Variants in NPAS3 observed in about 807,000 individuals in gnomAD.
The protein encoded by NPAS3 is neuronal PAS domain protein 3.
In NPAS3, 14 loss-of-function variants were observed where a neutral mutation model predicts 73.1. The ratio of observed to expected loss-of-function variants is 0.19; its 90% confidence interval spans 0.13 to 0.30. NPAS3 has a LOEUF of 0.30. NPAS3 is among the 10% of genes least tolerant of loss of function. The pLI, the probability that NPAS3 is intolerant of heterozygous loss-of-function variation, is 1.00. For missense variants in NPAS3, 1,096 were observed against 1,250.0 expected, an observed-to-expected ratio of 0.88 and a Z score of 1.86; for synonymous variants, 620 against 541.5, an observed-to-expected ratio of 1.14 and a Z score of -2.01.
In NPAS3 at chr14:33,782,823, T is replaced by TAAAAAAAAAAAAAAAAAAAAAAAAA. The variant is rs199704146; in HGVS notation, c.1153+4259_1153+4260insAAAAAAAAAAAAAAAAAAAAAAAAA. On this transcript the variant is annotated intron_variant, in intron 9 of 11. Coordinates refer to ENST00000356141, the Ensembl canonical transcript of NPAS3. Reference sequence around the variant, plus strand: ...AACATACTTGGGGGTTGTTTTTTTTTAAAAAAAAGAAAAAAACAGTAGCTT... The same window carrying TAAAAAAAAAAAAAAAAAAAAAAAAA: ...AACATACTTGGGGGTTGTTTTTTTTTAAAAAAAAAAAAAAAAAAAAAAAAAAAAAAAAAGAAAAAAACAGTAGCTT... Among the ~76,000 whole-genome samples the TAAAAAAAAAAAAAAAAAAAAAAAAA allele has an allele frequency of 3.8e-4, 56 of 148,668 alleles. 2 individuals are homozygous for TAAAAAAAAAAAAAAAAAAAAAAAAA. Among genetic ancestry groups the TAAAAAAAAAAAAAAAAAAAAAAAAA allele is most frequent in the Non-Finnish European group, 7.4e-4 (49 of 66,658 alleles).
chr14:33,731,332 T>A (rs2061393234), intron 6 of NPAS3, among the ~76,000 whole-genome samples: 3 of 148,820 alleles, frequency 2.0e-5, no homozygotes, highest in African/African-American at 7.5e-5. Context: ...GGCAGGAGAA[T>A]CGCCTGAGTC....
At chr14:33,635,010 C>G (rs1276140466) in intron 5 of NPAS3, among the ~76,000 whole-genome samples, 1 of 152,134 alleles carries the variant, frequency 6.6e-6, no homozygotes, top group Non-Finnish European at 1.5e-5. Context: ...GATATATGCT[C>G]AAGTTTGAGA....
chr14:33,402,584 C>T (rs2047493739), intron 4 of NPAS3, among the ~76,000 whole-genome samples: 1 of 152,148 alleles, frequency 6.6e-6, no homozygotes, highest in South Asian at 2.1e-4. Flanking sequence ...GGTGCCTCCA[C>T]CAGACTTTCA....
intron 6 of NPAS3, among the ~76,000 whole-genome samples, chr14:33,684,227 GT>G (rs5807739): frequency 5.3e-4 from 79 of 148,378 alleles, no homozygotes; most frequent in Non-Finnish European, 8.2e-4. Context: ...TGTGCTGTGG[GT>G]TTTTTTTTTT....
intron 3 of NPAS3, among the ~76,000 whole-genome samples, chr14:33,326,445 TAGA>T (rs2043710212): frequency 6.6e-6 from 1 of 152,204 alleles, no homozygotes; most frequent in African/African-American, 2.4e-5. Flanking sequence ...TTCGGCAAGT[TAGA>T]AAGTCTTTCT....
intron 3 of NPAS3, among the ~76,000 whole-genome samples, chr14:33,342,238 G>A (rs1244269973): frequency 4.6e-5 from 7 of 152,188 alleles, no homozygotes; most frequent in Non-Finnish European, 1.0e-4. Flanking sequence ...CATAAGCTGT[G>A]AATTGCCCAG....
intron 5 of NPAS3, among the ~76,000 whole-genome samples, chr14:33,633,163 T>C (rs2058427021): frequency 6.6e-6 from 1 of 152,214 alleles, no homozygotes; most frequent in African/African-American, 2.4e-5. Context: ...GTTATATGCA[T>C]ATACCATGCA....
intron 3 of NPAS3, among the ~76,000 whole-genome samples, chr14:33,255,051 G>A (rs1484485261): frequency 6.6e-6 from 1 of 152,106 alleles, no homozygotes; most frequent in East Asian, 1.9e-4. Context: ...GGAAAACTTG[G>A]AATTGGAAAC....
chr14:33,610,881 C>T (rs953278020), intron 5 of NPAS3: 6 of 152,196 alleles, frequency 3.9e-5, no homozygotes, highest in Non-Finnish European at 7.3e-5. Context: ...GTTCTAAAAA[C>T]TTTGCCCGAG....
chr14:33,766,800 T>C (rs2062476957), intron 7 of NPAS3, among the ~76,000 whole-genome samples: 1 of 152,182 alleles, frequency 6.6e-6, no homozygotes, highest in Admixed American at 6.5e-5. Context: ...TGTTGCATCC[T>C]CCTTGGCCCT....
intron 2 of NPAS3, among the ~76,000 whole-genome samples, chr14:33,154,044 T>A (rs1249933918): frequency 1.3e-5 from 2 of 152,184 alleles, no homozygotes; most frequent in African/African-American, 4.8e-5. Flanking sequence ...AATTTAGAAC[T>A]CTTTGTTGTA....
At chr14:33,011,107 G>T (rs2039179820) in intron 1 of NPAS3, among the ~76,000 whole-genome samples, 1 of 152,162 alleles carries the variant, frequency 6.6e-6, no homozygotes, top group Non-Finnish European at 1.5e-5. Context: ...AGTGAAACTT[G>T]TAAGAGGCAC....
At chr14:33,762,384 C>T (rs1218805203) in intron 7 of NPAS3, among the ~76,000 whole-genome samples, 1 of 152,102 alleles carries the variant, frequency 6.6e-6, no homozygotes, top group African/African-American at 2.4e-5. Context: ...CAGCAATCTG[C>T]ACTAGAACAG....
chr14:33,628,163 C>T (rs1014032503), intron 5 of NPAS3, among the ~76,000 whole-genome samples: 1 of 152,174 alleles, frequency 6.6e-6, no homozygotes, highest in Admixed American at 6.5e-5. Context: ...TTTAAATTCT[C>T]AATAAGATTT....
chr14:33,087,809 G>C (rs572349236), intron 2 of NPAS3, among the ~76,000 whole-genome samples: 2 of 152,254 alleles, frequency 1.3e-5, no homozygotes, highest in East Asian at 3.9e-4. Context: ...ATATCAAATA[G>C]ATCAGTTTTC....
intron 2 of NPAS3, among the ~76,000 whole-genome samples, chr14:33,175,997 A>G (rs2045576612): frequency 6.6e-6 from 1 of 152,158 alleles, no homozygotes; most frequent in Non-Finnish European, 1.5e-5. Flanking sequence ...ATATCCATGT[A>G]TTTATAAATT....
downstream of NPAS3, chr14:33,804,116 A>T (rs1872058975): frequency 6.6e-6 from 1 of 152,124 alleles, no homozygotes; most frequent in African/African-American, 2.4e-5. Flanking sequence ...TCTTTATGTA[A>T]CTTAATTTTT....
At chr14:33,011,947 C>G (rs539582914) in intron 1 of NPAS3, among the ~76,000 whole-genome samples, 39 of 152,098 alleles carry the variant, frequency 2.6e-4, no homozygotes, top group African/African-American at 8.7e-4. Flanking sequence ...TTTTTCTTTT[C>G]TTTCTTTTTT....
At chr14:33,632,682 A>G (rs1305663548) in intron 5 of NPAS3, among the ~76,000 whole-genome samples, 2 of 152,152 alleles carry the variant, frequency 1.3e-5, no homozygotes, top group Non-Finnish European at 2.9e-5. Flanking sequence ...TTACCTGTAC[A>G]GCTCTCTACG....
Sources: allele counts gnomAD v4.1 joint callset (sites outside exome capture counted in the v4.1 genomes callset), GRCh38; gene constraint gnomAD v4.1.1; transcripts MANE v1.5; gene names NCBI Gene and HGNC (gene_info 2026-07-23, HGNC 2026-07-21).